DEK: variants seen among roughly 807,000 people sequenced by gnomAD.
The protein encoded by DEK is DEK proto-oncogene, also known as protein DEK.
DEK carries 28 observed loss-of-function variants against 46.8 expected under a neutral mutation model. That is an observed-to-expected ratio of 0.60 (90% CI 0.44 to 0.82). The LOEUF is 0.82. Ranked by LOEUF, DEK falls within the 40% of genes least tolerant of loss-of-function variation. The pLI is 0.00. For synonymous variants in DEK, 160 were observed against 144.5 expected (o/e 1.11, Z -0.77); for missense variants, 416 against 430.6 (o/e 0.97, Z 0.30).
intron 9 of DEK, among the ~76,000 whole-genome samples, chr6:18,229,001 A>T (rs910782347): frequency 2.0e-5 from 3 of 152,230 alleles, no homozygotes; most frequent in African/African-American, 7.2e-5. Flanking sequence ...GACACCTCCC[A>T]GTAGGAGCTG....
At chr6:18,229,427 T>G (rs962593165) in intron 9 of DEK, among the ~76,000 whole-genome samples, 2 of 152,082 alleles carry the variant, frequency 1.3e-5, no homozygotes, top group Admixed American at 1.3e-4. Context: ...ATCAAACTTC[T>G]CCAAGCTAAA....
intron 9 of DEK, among the ~76,000 whole-genome samples, chr6:18,235,177 T>C (rs1029106650): frequency 1.2e-4 from 18 of 152,196 alleles, no homozygotes. Flanking sequence ...AAAATAAAAA[T>C]ATGATTGCGT....
At chr6:18,230,581 G>C (rs1790370060) in intron 9 of DEK, among the ~76,000 whole-genome samples, 1 of 152,174 alleles carries the variant, frequency 6.6e-6, no homozygotes, top group African/African-American at 2.4e-5. Context: ...TGCAATCCTA[G>C]TCTCTGATAA....
intron 6 of DEK, among the ~76,000 whole-genome samples, chr6:18,252,875 A>G (rs1201069062): frequency 6.6e-6 from 1 of 152,208 alleles, no homozygotes; most frequent in Non-Finnish European, 1.5e-5. Context: ...ACAACCACAC[A>G]CCAGCAGAAA....
intron 7 of DEK, among the ~76,000 whole-genome samples, chr6:18,239,887 A>G (rs572833781): frequency 7.2e-5 from 11 of 152,356 alleles, no homozygotes; most frequent in African/African-American, 2.4e-4. Context: ...CACACTTAAT[A>G]CACAGAATAC....
chr6:18,234,689 A>G (rs1247489225), intron 9 of DEK, among the ~76,000 whole-genome samples: 1 of 151,992 alleles, frequency 6.6e-6, no homozygotes, highest in Non-Finnish European at 1.5e-5. Flanking sequence ...GGATTCATCA[A>G]TGGTTCTTAA....
chr6:18,262,071 G>C (rs1791898289), intron 2 of DEK, among the ~76,000 whole-genome samples: 1 of 152,076 alleles, frequency 6.6e-6, no homozygotes, highest in African/African-American at 2.4e-5. Flanking sequence ...GTTCTCTCAA[G>C]ATTTGTTTAA....
At chr6:18,225,763 A>G in intron 10 of DEK, 33 bp from the exon 11 acceptor site, 9 of 1,612,390 alleles carry the variant, frequency 5.6e-6, no homozygotes, top group Non-Finnish European at 7.6e-6. Flanking sequence ...TTTTGCCATA[A>G]ATCATAAACC....
At chr6:18,242,606 G>A (rs1315092048) in intron 7 of DEK, among the ~76,000 whole-genome samples, 1 of 152,182 alleles carries the variant, frequency 6.6e-6, no homozygotes, top group Non-Finnish European at 1.5e-5. Context: ...CACTGTAGAT[G>A]CTCCCAGAAC....
At chr6:18,258,873 AAC>A (rs1036859312) in intron 2 of DEK, among the ~76,000 whole-genome samples, 1 of 152,194 alleles carries the variant, frequency 6.6e-6, no homozygotes, top group Non-Finnish European at 1.5e-5. Flanking sequence ...TGACAAAAGA[AAC>A]ACAAATAAAG....
chr6:18,255,915 A>C (rs1038567167), intron 5 of DEK, 64 bp from the exon 6 acceptor site: 17 of 1,522,946 alleles, frequency 1.1e-5, no homozygotes, highest in Non-Finnish European at 1.3e-5. Flanking sequence ...GTTCTCCACA[A>C]TATAAAGGGA....
At chr6:18,240,119 A>G (rs2067371285) in intron 7 of DEK, among the ~76,000 whole-genome samples, 1 of 152,222 alleles carries the variant, frequency 6.6e-6, no homozygotes, top group Non-Finnish European at 1.5e-5. Context: ...GATGTGATAC[A>G]CAACATGACA....
At position 18,258,055 on chromosome 6, in the gene DEK, C is replaced by T. The variant is rs144486575; in HGVS notation, c.255G>A (p.Gly85=). The change falls in exon 4 of 11, where the codon GGG becomes GGA. Residue 85 remains glycine, a synonymous_variant. Transcript: ENST00000652689. The part of the protein sequence containing the change: ...REPFTIAQGK[G]QKLCEIERIH... ...TCCTCTCAATTTCACAAAGTTTCTGCCCCTTTCCTGGGGAAAAAAAAAAAT... is the reference window on the plus strand; with the variant it reads ...TCCTCTCAATTTCACAAAGTTTCTGTCCCTTTCCTGGGGAAAAAAAAAAAT... 2.3e-4 allele frequency: 374 copies of T among 1,597,918 alleles called. No homozygotes were observed. The highest frequency in any genetic ancestry group is 6.1e-4 in the African/African-American group (45 of 73,722).
chr6:18,244,665 G>A, intron 7 of DEK: 3 of 868,324 alleles, frequency 3.5e-6, no homozygotes, highest in East Asian at 6.5e-5. Flanking sequence ...TCAACAATTT[G>A]GCTGAGAAAA....
chr6:18,251,824 A>G (rs1791385344), intron 6 of DEK, among the ~76,000 whole-genome samples: 1 of 152,202 alleles, frequency 6.6e-6, no homozygotes, highest in Non-Finnish European at 1.5e-5. Flanking sequence ...GCAAGGATGT[A>G]ATCTGTATAT....
intron 9 of DEK, among the ~76,000 whole-genome samples, chr6:18,228,871 G>C (rs192088751): frequency 9.8e-5 from 15 of 152,338 alleles, no homozygotes; most frequent in South Asian, 2.1e-4. Context: ...ACAAAGCTGC[G>C]AGGAAGCTCG....
intron 9 of DEK, among the ~76,000 whole-genome samples, chr6:18,227,689 C>A (rs185579851): frequency 1.3e-5 from 2 of 152,294 alleles, no homozygotes; most frequent in African/African-American, 2.4e-5. Flanking sequence ...GGGCAACCCA[C>A]CCCTTCAACA....
chr6:18,249,360 C>T (rs1468257070), intron 7 of DEK, among the ~76,000 whole-genome samples: 1 of 152,158 alleles, frequency 6.6e-6, no homozygotes, highest in African/African-American at 2.4e-5. Flanking sequence ...TCAGGATATG[C>T]ACCACTTCCG....
At position 18,224,806 on chromosome 6, in the gene DEK, T is replaced by G. The variant is rs1397379271; in HGVS notation, c.*913A>C. On this transcript the variant is annotated 3_prime_UTR_variant, in exon 11 of 11. Transcript: ENST00000652689. Reference sequence around the variant, plus strand: ...TCATTTACTGTAAGCCAAATGTGCTTGTACTTAATCCCACCCTTTCCCAAA... The same window carrying G: ...TCATTTACTGTAAGCCAAATGTGCTGGTACTTAATCCCACCCTTTCCCAAA... 4.7e-6 allele frequency: 1 copy of G among 212,086 alleles called. No individual in the cohort carries two copies. Among genetic ancestry groups the G allele is most frequent in the Admixed American group, 5.9e-5 (1 of 17,036 alleles). The allele number at this position is 212,086 out of a possible 1,614,324, so 13.1% of individuals were successfully genotyped here.
Sources: allele counts gnomAD v4.1 joint callset (sites outside exome capture counted in the v4.1 genomes callset), GRCh38; gene constraint gnomAD v4.1.1; transcripts MANE v1.5; gene names NCBI Gene and HGNC (gene_info 2026-07-23, HGNC 2026-07-21).